The following SH3RF3 variants were observed in gnomAD, a reference collection of about 807,000 sequenced individuals.
SH3RF3 encodes the protein E3 ubiquitin-protein ligase SH3RF3.
SH3RF3 carries 29 observed loss-of-function variants against 66.3 expected under a neutral mutation model. The ratio of observed to expected loss-of-function variants is 0.44; its 90% CI spans 0.33 to 0.60. The LOEUF (loss-of-function observed/expected upper bound fraction) is 0.60, where lower values mean the gene tolerates loss of function less well. Among genes scored for constraint, SH3RF3 ranks in the 20% least tolerant of loss-of-function variants. The pLI is 0.04. For synonymous variants in SH3RF3, 583 were observed against 532.0 expected (o/e 1.10, Z -1.32); for missense variants, 1,194 against 1,190.9 (o/e 1.00, Z -0.04).
chr2:109,428,614 T>C (rs916256419), intron 5 of SH3RF3, among the ~76,000 whole-genome samples: 1 of 152,226 alleles, frequency 6.6e-6, no homozygotes, highest in African/African-American at 2.4e-5. Flanking sequence ...CTTTTTCTCA[T>C]TGGCATGAAA....
chr2:109,193,727 C>G (rs1678426448), intron 1 of SH3RF3, among the ~76,000 whole-genome samples: 2 of 152,020 alleles, frequency 1.3e-5, no homozygotes, highest in South Asian at 4.2e-4. Flanking sequence ...ACATTCTGAC[C>G]CCAAATCATT....
chr2:109,251,297 A>G (rs1680086073), intron 1 of SH3RF3: 1 of 399,244 alleles, frequency 2.5e-6, no homozygotes, highest in East Asian at 6.1e-5. Context: ...GTGAGCCACC[A>G]TGCCCGGCCC....
chr2:109,470,216 T>A (rs1183336565), intron 8 of SH3RF3, among the ~76,000 whole-genome samples: 2 of 152,108 alleles, frequency 1.3e-5, no homozygotes, highest in African/African-American at 4.8e-5. Flanking sequence ...AGAGATGAGA[T>A]TACTTTGGAA....
intron 1 of SH3RF3, among the ~76,000 whole-genome samples, chr2:109,134,751 G>C (rs1476277125): frequency 6.6e-6 from 1 of 152,168 alleles, no homozygotes; most frequent in Non-Finnish European, 1.5e-5. Context: ...TTGGTAGCAC[G>C]ATTCTAAACA....
intron 8 of SH3RF3, among the ~76,000 whole-genome samples, chr2:109,464,651 G>C (rs555279616): frequency 5.9e-5 from 9 of 152,236 alleles, no homozygotes; most frequent in Admixed American, 1.3e-4. Context: ...TTTTTTTAAA[G>C]AGACTTTATT....
intron 1 of SH3RF3, among the ~76,000 whole-genome samples, chr2:109,264,341 G>A (rs3885089): frequency 0.24 from 32,194 of 134,864 alleles, 3,163 homozygotes; most frequent in East Asian, 0.43. Context: ...ACCTCCCCAG[G>A]ATCCACTCCG....
intron 2 of SH3RF3, among the ~76,000 whole-genome samples, chr2:109,361,118 A>G (rs368890037): frequency 1.3e-5 from 2 of 152,202 alleles, no homozygotes; most frequent in African/African-American, 4.8e-5. Flanking sequence ...TGGATATGAT[A>G]GGTTACATTT....
intron 8 of SH3RF3, among the ~76,000 whole-genome samples, chr2:109,468,337 C>T (rs12611654): frequency 0.48 from 72,495 of 152,048 alleles, 18,705 homozygotes; most frequent in Non-Finnish European, 0.56. Flanking sequence ...AAGGGGAATG[C>T]GTTGCACTGT....
intron 1 of SH3RF3, among the ~76,000 whole-genome samples, chr2:109,168,616 T>C (rs1046795331): frequency 3.3e-5 from 5 of 152,212 alleles, no homozygotes; most frequent in Non-Finnish European, 7.3e-5. Flanking sequence ...CCGTAGGTGG[T>C]AAGAATCTTA....
At chr2:109,244,081 T>G (rs1679853186) in intron 1 of SH3RF3, among the ~76,000 whole-genome samples, 1 of 152,238 alleles carries the variant, frequency 6.6e-6, no homozygotes, top group African/African-American at 2.4e-5. Flanking sequence ...GGTCCTAGAT[T>G]GCCTAGAATC....
Position 109,138,676 on chromosome 2 carries a change from C to T in SH3RF3, c.573+8563C>T, listed in dbSNP as rs937612086. On this transcript the variant is annotated intron_variant, in intron 1 of 9. Coordinates refer to ENST00000309415, the MANE Select transcript of SH3RF3 (RefSeq NM_001099289.3). The stretch of plus-strand genomic sequence containing the variant: ...TCTTCCTCTGGGTCTGCACACCCTG[C>T]CTGCAGACTGCAGCTGTAGGGAACA... Among the ~76,000 whole-genome samples the T allele has an allele frequency of 2.6e-5, 4 of 152,320 alleles. No homozygotes were observed. In the East Asian group the frequency reaches 7.7e-4, roughly 29 times the overall value.
intron 1 of SH3RF3, among the ~76,000 whole-genome samples, chr2:109,346,816 C>T (rs1187839091): frequency 1.3e-5 from 2 of 152,174 alleles, no homozygotes; most frequent in Non-Finnish European, 2.9e-5. Flanking sequence ...TAACCTCTGA[C>T]GGATACAAGA....
chr2:109,357,294 GC>G (rs1374034075), intron 2 of SH3RF3, among the ~76,000 whole-genome samples: 2 of 151,854 alleles, frequency 1.3e-5, no homozygotes, highest in Non-Finnish European at 2.9e-5. Flanking sequence ...CCATTCTCCT[GC>G]CTCAGCCTCC....
intron 1 of SH3RF3, among the ~76,000 whole-genome samples, chr2:109,288,407 A>G (rs1409401403): frequency 6.6e-6 from 1 of 152,228 alleles, no homozygotes; most frequent in Non-Finnish European, 1.5e-5. Flanking sequence ...CAAAGGAGGC[A>G]TTTGAATGTG....
intron 1 of SH3RF3, among the ~76,000 whole-genome samples, chr2:109,203,648 C>G (rs1338071652): frequency 6.6e-6 from 1 of 152,094 alleles, no homozygotes; most frequent in Non-Finnish European, 1.5e-5. Flanking sequence ...CTGTGCACCC[C>G]ATGTGAGTGT....
In SH3RF3 at chr2:109,464,607, G is replaced by A. The variant is rs11887096; in HGVS notation, c.2148+15118G>A. Among the ~76,000 whole-genome samples, 453 of 152,224 alleles carry A rather than the reference G, an allele frequency of 3.0e-3. 3 individuals carry two copies. The highest frequency in any genetic ancestry group is 9.9e-3 in the African/African-American group (413 of 41,526). ...CAATCGATTTCCTCTTCTAAAAATA[G>A]CCCTTCTGATATTGGAAGTCATCCT... On this transcript the variant is annotated intron_variant, in intron 8 of 9. Transcript: ENST00000309415.
chr2:109,311,778 A>G (rs1159543253), intron 1 of SH3RF3, among the ~76,000 whole-genome samples: 1 of 132,940 alleles, frequency 7.5e-6, no homozygotes, highest in Non-Finnish European at 1.5e-5. Context: ...AGCAAGTCAT[A>G]TCAAGGCTAC....
intron 1 of SH3RF3, among the ~76,000 whole-genome samples, chr2:109,257,376 G>A (rs910224023): frequency 1.3e-5 from 2 of 151,708 alleles, no homozygotes; most frequent in Admixed American, 6.6e-5. Context: ...GAGAGGGAGG[G>A]AGGGAGAGGA....
chr2:109,241,068 A>G (rs971929680), intron 1 of SH3RF3, among the ~76,000 whole-genome samples: 2 of 152,336 alleles, frequency 1.3e-5, no homozygotes, highest in East Asian at 1.9e-4. Flanking sequence ...TATGTTTAAA[A>G]TAAGTGGCCT....
Sources: allele counts gnomAD v4.1 joint callset (sites outside exome capture counted in the v4.1 genomes callset), GRCh38; gene constraint gnomAD v4.1.1; transcripts MANE v1.5; gene names NCBI Gene and HGNC (gene_info 2026-07-23, HGNC 2026-07-21).